The following EGFLAM variants were observed in gnomAD, a reference collection of about 807,000 sequenced individuals.
EGFLAM encodes the protein EGF like, fibronectin type III and laminin G domains.
EGFLAM carries 79 observed loss-of-function variants against 113.1 expected under a neutral mutation model. The observed-to-expected ratio is 0.70, with a 90% CI of 0.58 to 0.84. The LOEUF (loss-of-function observed/expected upper bound fraction) is 0.84. Among genes scored for constraint, EGFLAM ranks in the 40% least tolerant of loss-of-function variants. EGFLAM has a pLI of 0.00. For synonymous variants in EGFLAM, 504 were observed against 487.6 expected (o/e 1.03, Z -0.44); for missense variants, 1,265 against 1,291.6 (o/e 0.98, Z 0.32).
At chr5:38,426,949 G>C in intron 13 of EGFLAM, 60 bp from the exon 14 acceptor site, 1 of 1,592,576 alleles carries the variant, frequency 6.3e-7, no homozygotes, top group Non-Finnish European at 8.5e-7. Context: ...ACAGCTATGG[G>C]TGCACATCTG....
At chr5:38,463,493 A>C (rs1297037025) in intron 21 of EGFLAM, among the ~76,000 whole-genome samples, 3 of 152,230 alleles carry the variant, frequency 2.0e-5, no homozygotes, top group Admixed American at 2.0e-4. Flanking sequence ...TTCTAACTAC[A>C]CACTGCATTC....
chr5:38,329,073 C>G (rs1035552620), intron 1 of EGFLAM, among the ~76,000 whole-genome samples: 1 of 151,858 alleles, frequency 6.6e-6, no homozygotes, highest in African/African-American at 2.4e-5. Context: ...TTGATTGAGC[C>G]CAGGATTTTA....
intron 1 of EGFLAM, among the ~76,000 whole-genome samples, chr5:38,291,937 A>C (rs1454952349): frequency 2.0e-5 from 3 of 152,232 alleles, no homozygotes; most frequent in Non-Finnish European, 4.4e-5. Context: ...TGCGTCAAGA[A>C]GTAACAGCAC....
Position 38,424,968 on chromosome 5 carries a change from G to A in EGFLAM, c.1686G>A (p.Gly562=). ...TTGTAATTCCCATTCTGTATTTAGGGGAATGCAGCAGTGGAATCTGTGATG... is the reference window on the plus strand; with the variant it reads ...TTGTAATTCCCATTCTGTATTTAGGAGAATGCAGCAGTGGAATCTGTGATG... ...LGKALSGADV[G]ECSSGICDEA... is the part of the protein sequence containing the mutation. The change falls in exon 13 of 22, where the codon GGG becomes GGA. Residue 562 remains glycine (G), a splice_region_variant and synonymous_variant. Transcript: ENST00000322350. 1 of 1,613,696 alleles carries A rather than the reference G, an allele frequency of 6.2e-7. No individual in the cohort carries two copies. The highest frequency in any genetic ancestry group is 1.1e-5 in the South Asian group (1 of 91,062).
At chr5:38,383,937 G>A (rs1009656559) in intron 6 of EGFLAM, among the ~76,000 whole-genome samples, 1 of 152,076 alleles carries the variant, frequency 6.6e-6, no homozygotes, top group Non-Finnish European at 1.5e-5. Context: ...AAAATGATAG[G>A]AAGTGAGGTC....
At chr5:38,328,393 C>T (rs1561279988) in intron 1 of EGFLAM, among the ~76,000 whole-genome samples, 2 of 152,284 alleles carry the variant, frequency 1.3e-5, no homozygotes, top group East Asian at 3.9e-4. Flanking sequence ...AGATCCAAAC[C>T]ATATTAGTAG....
intron 6 of EGFLAM, among the ~76,000 whole-genome samples, chr5:38,386,137 A>C (rs1359652969): frequency 6.6e-6 from 1 of 152,226 alleles, no homozygotes; most frequent in Non-Finnish European, 1.5e-5. Flanking sequence ...ATGCATGACT[A>C]TATGTAAGGA....
intron 1 of EGFLAM, among the ~76,000 whole-genome samples, chr5:38,266,542 A>G (rs1157318825): frequency 2.0e-5 from 3 of 152,244 alleles, no homozygotes; most frequent in African/African-American, 7.2e-5. Flanking sequence ...CAGAAGTAAT[A>G]AACATAGACA....
chr5:38,462,843 T>A (rs1269465318), intron 20 of EGFLAM, 65 bp from the exon 21 acceptor site: 1 of 1,535,534 alleles, frequency 6.5e-7, no homozygotes, highest in Admixed American at 1.7e-5. Context: ...TTGAAATGAA[T>A]GAATGATTGA....
At chr5:38,419,565 G>C (rs1741761989) in intron 12 of EGFLAM, among the ~76,000 whole-genome samples, 1 of 152,142 alleles carries the variant, frequency 6.6e-6, no homozygotes, top group Admixed American at 6.5e-5. Flanking sequence ...CTCAGTCAGA[G>C]GTAGGATTCG....
At chr5:38,281,763 G>T (rs1233878962) in intron 1 of EGFLAM, among the ~76,000 whole-genome samples, 1 of 152,122 alleles carries the variant, frequency 6.6e-6, no homozygotes, top group Non-Finnish European at 1.5e-5. Flanking sequence ...AATAAAATGG[G>T]TTTACTACAC....
intron 6 of EGFLAM, chr5:38,400,045 A>G (rs1232442438): frequency 6.6e-6 from 1 of 152,202 alleles, no homozygotes; most frequent in Admixed American, 6.5e-5. Context: ...ACAGAATGTT[A>G]GTGCTGGAAA....
At chr5:38,289,281 A>AG (rs1758250001) in intron 1 of EGFLAM, among the ~76,000 whole-genome samples, 3 of 124,600 alleles carry the variant, frequency 2.4e-5, no homozygotes, top group Admixed American at 2.3e-4. Context: ...CCCCGCCCCC[A>AG]CATTTCAGTT....
chr5:38,384,520 C>T (rs72740340), intron 6 of EGFLAM, among the ~76,000 whole-genome samples: 9,578 of 152,160 alleles, frequency 0.063, 387 homozygotes, highest in South Asian at 0.13. Context: ...CTTATATAAG[C>T]CAGAAGTACT....
chr5:38,411,284 CG>C (rs1741468230), intron 10 of EGFLAM, among the ~76,000 whole-genome samples: 2 of 151,760 alleles, frequency 1.3e-5, no homozygotes, highest in Admixed American at 6.6e-5. Context: ...AAAAATTAGC[CG>C]GGTGTGGTGG....
At chr5:38,358,272 C>T (rs1248422911) in intron 5 of EGFLAM, among the ~76,000 whole-genome samples, 11 of 151,100 alleles carry the variant, frequency 7.3e-5, no homozygotes, top group Admixed American at 6.6e-4. Context: ...GATGAAACCC[C>T]GTCTCTACTA....
chr5:38,266,521 T>G (rs188780923), intron 1 of EGFLAM, among the ~76,000 whole-genome samples: 1 of 152,252 alleles, frequency 6.6e-6, no homozygotes. Flanking sequence ...AATTTCTATA[T>G]TTCCAGGCAT....
intron 12 of EGFLAM, among the ~76,000 whole-genome samples, chr5:38,420,066 A>C (rs918415100): frequency 6.6e-6 from 1 of 152,030 alleles, no homozygotes; most frequent in African/African-American, 2.4e-5. Context: ...AAAACAAAAA[A>C]CCAATGGTAC....
intron 6 of EGFLAM, among the ~76,000 whole-genome samples, chr5:38,391,815 C>T (rs938435918): frequency 9.9e-5 from 15 of 151,736 alleles, no homozygotes; most frequent in African/African-American, 3.6e-4. Flanking sequence ...TTTACTCTGC[C>T]GCCCAGGCTG....
Sources: gnomAD v4.1 joint callset for allele counts (sites outside exome capture counted in the v4.1 genomes callset) on GRCh38, gnomAD v4.1.1 for gene constraint, MANE v1.5 for transcripts, NCBI Gene and HGNC (gene_info 2026-07-23, HGNC 2026-07-21) for gene names.